The following DIS3L variants were observed in gnomAD, a reference collection of about 807,000 sequenced individuals.
DIS3L encodes the protein DIS3 like exosome 3'-5' exoribonuclease, also known as DIS3-like exonuclease 1.
Under a neutral mutation model 120.3 loss-of-function variants are expected in DIS3L, and 100 were observed. That is an observed-to-expected ratio of 0.83 (90% CI 0.71 to 0.98). The LOEUF is 0.98. DIS3L is among the 50% of genes least tolerant of loss of function. DIS3L has a pLI of 0.00. For missense variants in DIS3L, 1,196 were observed against 1,314.2 expected, an observed-to-expected ratio of 0.91 and a Z score of 1.39; for synonymous variants, 426 against 470.6, an observed-to-expected ratio of 0.91 and a Z score of 1.23.
intron 8 of DIS3L, 140 bp from the exon 9 acceptor site, chr15:66,320,431 A>C: frequency 1.2e-6 from 1 of 844,076 alleles, no homozygotes; most frequent in Non-Finnish European, 1.7e-6. Flanking sequence ...ACAAAAAAAA[A>C]ACCCTACCAT....
At chr15:66,306,732 T>C in intron 2 of DIS3L, 92 bp from the exon 3 acceptor site, 1 of 1,561,018 alleles carries the variant, frequency 6.4e-7, no homozygotes, top group Non-Finnish European at 8.8e-7. Flanking sequence ...TCTTTTGCTC[T>C]AAAATACCCC....
intron 11 of DIS3L, among the ~76,000 whole-genome samples, chr15:66,325,037 C>T (rs2092921725): frequency 6.6e-6 from 1 of 152,140 alleles, no homozygotes; most frequent in Non-Finnish European, 1.5e-5. Flanking sequence ...ATTTGCAAGA[C>T]TTTGCTCTAA....
chr15:66,302,429 T>C (rs145967579), intron 2 of DIS3L, among the ~76,000 whole-genome samples: 1 of 152,206 alleles, frequency 6.6e-6, no homozygotes, highest in Non-Finnish European at 1.5e-5. Flanking sequence ...ACAAATGCAG[T>C]GATGTCTATG....
chr15:66,326,197 C>T lies in DIS3L; in HGVS notation c.2034C>T (p.His678=), dbSNP rs147001000. ...TCCCCAAGCAGCCCCTGGAAGTCCA[C>T]GAGACAGTGGCTGAATGCATGATCC... ...DLIPKQPLEV[H]ETVAECMILA... Residue 678 remains histidine, a synonymous_variant, in exon 12 of 17, where the codon CAC becomes CAT. Transcript: ENST00000319212. 2,131 of 1,614,208 alleles carry T rather than the reference C, an allele frequency of 1.3e-3. 16 individuals carry two copies. Among genetic ancestry groups the T allele is most frequent in the Middle Eastern group, 8.3e-3 (50 of 6,060 alleles).
At chr15:66,296,303 GT>G (rs1355814552) in intron 2 of DIS3L, among the ~76,000 whole-genome samples, 1 of 152,012 alleles carries the variant, frequency 6.6e-6, no homozygotes, top group Non-Finnish European at 1.5e-5. Flanking sequence ...GAATTTAAAC[GT>G]TTTTTTCTCC....
Position 66,293,704 on chromosome 15 carries a change from G to T in DIS3L, c.108G>T (p.Pro36=). 2 of 1,353,118 alleles carry T rather than the reference G, an allele frequency of 1.5e-6. No homozygotes were observed. The highest frequency in any genetic ancestry group is 1.9e-6 in the Non-Finnish European group (2 of 1,046,522). 83.8% of individuals were successfully genotyped at this position (1,353,118 alleles called of 1,614,324 possible). Residue 36 remains proline (P), a synonymous_variant, in exon 1 of 17, where the codon CCG becomes CCT. Transcript: ENST00000319212. ...GGCCCTGCGTGCCCTGCCACAGCCC[G>T]CTCTGCCCGCAGCCCGCCGCCTGCA... ...YLRPCVPCHS[P]LCPQPAACSH... is the part of the protein sequence containing the mutation.
At position 66,333,542 on chromosome 15, in the gene DIS3L, A is replaced by G; in HGVS notation, c.*230A>G. On this transcript the variant is annotated 3_prime_UTR_variant, in exon 17 of 17. Transcript: ENST00000319212. Reference sequence around the variant, plus strand: ...TCAGGAGATTGAGACCATCCTGGCTAACACGGTGAAACCCAGTCTCTACTA... The same window carrying G: ...TCAGGAGATTGAGACCATCCTGGCTGACACGGTGAAACCCAGTCTCTACTA... The G allele has an allele frequency of 2.9e-6, 1 of 342,488 alleles. No homozygotes were observed. Among genetic ancestry groups the G allele is most frequent in the Middle Eastern group, 8.5e-4 (1 of 1,176 alleles). The allele number at this position is 342,488 out of a possible 1,614,324, so 21.2% of individuals were successfully genotyped here.
intron 2 of DIS3L, among the ~76,000 whole-genome samples, chr15:66,298,641 G>C (rs1214925095): frequency 6.6e-6 from 1 of 152,200 alleles, no homozygotes. Context: ...GTTCTCATAA[G>C]TGTATTGCAC....
intron 5 of DIS3L, among the ~76,000 whole-genome samples, chr15:66,313,820 G>A (rs1005618226): frequency 4.7e-5 from 7 of 147,380 alleles, no homozygotes; most frequent in East Asian, 3.9e-4. Context: ...TGTACATCTC[G>A]AAAAAAAGAA....
intron 1 of DIS3L, chr15:66,294,377 C>CA (rs1038741413): frequency 1.7e-4 from 167 of 985,484 alleles, no homozygotes; most frequent in Non-Finnish European, 1.9e-4. Flanking sequence ...TCTCTTCCCC[C>CA]ATGGGAGGAT....
chr15:66,327,170 C>T (rs1041195612), intron 12 of DIS3L, among the ~76,000 whole-genome samples: 11 of 151,880 alleles, frequency 7.2e-5, no homozygotes, highest in Admixed American at 2.6e-4. Flanking sequence ...CCTCATGATT[C>T]GCCCGTCTCG....
chr15:66,312,233 C>G (rs2140358008), intron 5 of DIS3L, among the ~76,000 whole-genome samples: 1 of 149,660 alleles, frequency 6.7e-6, no homozygotes, highest in African/African-American at 2.5e-5. Flanking sequence ...AAAAAAGAAT[C>G]TGTCAGGACC....
rs2092546107 is a variant in DIS3L, at chr15:66,293,601, T to C, written c.5T>C (p.Leu2Pro). Residue 2 changes from leucine (L) to proline (P), a missense_variant, in exon 1 of 17, where the codon CTG becomes CCG. By Grantham distance (98) the Leu-to-Pro change is moderately conservative. Transcript: ENST00000319212. ...GCCGCCGGGAGACACGCCGCCATGC[T>C]GCAGAAGCGGGAGAAGGTGCTGCTG... M[L>P]QKREKVLLLR... The C allele has an allele frequency of 1.4e-6, 2 of 1,440,184 alleles. No individual in the cohort carries two copies. The highest frequency in any genetic ancestry group is 2.6e-5 in the South Asian group (2 of 76,588). The allele number at this position is 1,440,184 out of a possible 1,614,324, so 89.2% of individuals were successfully genotyped here.
chr15:66,293,974 G>A lies in DIS3L; in HGVS notation c.139+239G>A, dbSNP rs1220011127. The A allele has an allele frequency of 3.0e-6, 3 of 992,520 alleles. No individual in the cohort carries two copies. The African/African-American group carries it at 5.2e-5, about 17-fold the overall frequency. 61.5% of individuals were successfully genotyped at this position (992,520 alleles called of 1,614,324 possible). A position where few individuals can be genotyped will look rare whatever the true frequency, so the allele number is the denominator to read the frequency against. On this transcript the variant is annotated intron_variant, in intron 1 of 16. Coordinates refer to ENST00000319212, the MANE Select transcript of DIS3L (RefSeq NM_001143688.3). ...TACTGCTCCGCCCTGTCCAATGGGAGGGCCCGACAGACCCGCACCCCATGC... is the reference window on the plus strand; with the variant it reads ...TACTGCTCCGCCCTGTCCAATGGGAAGGCCCGACAGACCCGCACCCCATGC...
At chr15:66,316,516 C>A (rs1205095265) in intron 7 of DIS3L, among the ~76,000 whole-genome samples, 1 of 152,078 alleles carries the variant, frequency 6.6e-6, no homozygotes, top group Non-Finnish European at 1.5e-5. Flanking sequence ...ACACAATGAT[C>A]CTTCAGAAAG....
chr15:66,327,262 C>G (rs2092948546), intron 12 of DIS3L, among the ~76,000 whole-genome samples: 1 of 152,070 alleles, frequency 6.6e-6, no homozygotes, highest in African/African-American at 2.4e-5. Flanking sequence ...AAGTAGGGAA[C>G]CTGTTAGTTA....
chr15:66,320,637 G>C lies in DIS3L; in HGVS notation c.1231G>C (p.Val411Leu), dbSNP rs747625850. The change falls in exon 9 of 17, where the codon GTG becomes CTG. Residue 411 changes from valine to leucine, a missense_variant. Coordinates refer to ENST00000319212, the MANE Select transcript of DIS3L (RefSeq NM_001143688.3). ...STSVYPNGHF[V>L]RVLGRIGDLE... The stretch of plus-strand genomic sequence containing the variant: ...ATCTGTGTATCCAAATGGACATTTT[G>C]TGCGTGTTTTAGGAAGAATCGGAGA... The C allele has an allele frequency of 9.3e-6, 15 of 1,613,988 alleles. No individual in the cohort carries two copies.
rs2092805649 is a variant in DIS3L, at chr15:66,315,230, G to A, written c.994+15G>A. On this transcript the variant is annotated intron_variant, in intron 7 of 16. Coordinates refer to ENST00000319212, the MANE Select transcript of DIS3L (RefSeq NM_001143688.3). The stretch of plus-strand genomic sequence containing the variant: ...CATGCCTACAGGTGAGCCAGCTGCA[G>A]AGCCACTCCGATGTCCATTTTTCTT... 6.3e-7 allele frequency: 1 copy of A among 1,583,358 alleles called. No individual in the cohort carries two copies. Among genetic ancestry groups the A allele is most frequent in the Non-Finnish European group, 8.6e-7 (1 of 1,160,082 alleles).
At chr15:66,326,931 GTTTT>G (rs71447896) in intron 12 of DIS3L, among the ~76,000 whole-genome samples, 1 of 140,522 alleles carries the variant, frequency 7.1e-6, no homozygotes. Context: ...TGTTCGGTTG[GTTTT>G]TTTTTTTTCT....
Sources: gnomAD v4.1 joint callset for allele counts (sites outside exome capture counted in the v4.1 genomes callset) on GRCh38, gnomAD v4.1.1 for gene constraint, MANE v1.5 for transcripts, NCBI Gene and HGNC (gene_info 2026-07-23, HGNC 2026-07-21) for gene names.